NPAS3: variants seen among roughly 807,000 people sequenced by gnomAD.
NPAS3 encodes the protein neuronal PAS domain-containing protein 3.
In NPAS3, 14 loss-of-function variants were observed where a neutral mutation model predicts 73.1. That is an observed-to-expected ratio of 0.19 (90% CI 0.13 to 0.30). The LOEUF is 0.30. NPAS3 is among the 10% of genes least tolerant of loss of function. The pLI is 1.00. For missense variants in NPAS3, 1,096 were observed against 1,250.0 expected (o/e 0.88, Z 1.86); for synonymous variants, 620 against 541.5 (o/e 1.14, Z -2.01).
At chr14:33,179,170 G>C (rs1475459724) in intron 2 of NPAS3, among the ~76,000 whole-genome samples, 1 of 151,904 alleles carries the variant, frequency 6.6e-6, no homozygotes, top group African/African-American at 2.4e-5. Flanking sequence ...GTCTAATTAT[G>C]TTAATATGAT....
intron 8 of NPAS3, among the ~76,000 whole-genome samples, chr14:33,776,704 C>T (rs535316054): frequency 6.6e-6 from 1 of 152,094 alleles, no homozygotes; most frequent in Non-Finnish European, 1.5e-5. Flanking sequence ...AGGCACTATG[C>T]TGTGTTAATT....
rs1170942683 is a variant in NPAS3 at position 33,159,699 on chromosome 14, G to A, written c.141-55483G>A. On this transcript the variant is annotated intron_variant, in intron 2 of 11. Transcript: ENST00000356141. ...CTCCTGAGTAGCTGGGACTACAGGCGCCCACCACCATGCCCGGCTTATTTT... is the reference window on the plus strand; with the variant it reads ...CTCCTGAGTAGCTGGGACTACAGGCACCCACCACCATGCCCGGCTTATTTT... Among the ~76,000 whole-genome samples, 14 of 151,942 alleles carry A rather than the reference G, an allele frequency of 9.2e-5. No individual in the cohort carries two copies. In the South Asian group the frequency reaches 1.5e-3, roughly 16 times the overall value.
intron 1 of NPAS3, among the ~76,000 whole-genome samples, chr14:33,047,070 A>G (rs990414787): frequency 5.3e-5 from 8 of 152,196 alleles, no homozygotes; most frequent in Admixed American, 5.2e-4. Context: ...AACTAAGATG[A>G]GAGCTGACTA....
At chr14:33,213,831 T>C (rs1394069216) in intron 2 of NPAS3, 2 of 152,224 alleles carry the variant, frequency 1.3e-5, no homozygotes, top group African/African-American at 4.8e-5. Flanking sequence ...CAGAGCATTA[T>C]GGCATTACTT....
At chr14:33,532,291 TCA>T (rs2054080752) in intron 4 of NPAS3, among the ~76,000 whole-genome samples, 1 of 152,148 alleles carries the variant, frequency 6.6e-6, no homozygotes, top group South Asian at 2.1e-4. Flanking sequence ...AAGTCCAGTC[TCA>T]GTTTTTCCTT....
chr14:33,542,293 G>A (rs1270480631), intron 4 of NPAS3, among the ~76,000 whole-genome samples: 1 of 152,134 alleles, frequency 6.6e-6, no homozygotes, highest in Non-Finnish European at 1.5e-5. Flanking sequence ...CAAACCAGGA[G>A]GCAACACAGT....
At chr14:33,409,905 T>G (rs2138876703) in intron 4 of NPAS3, among the ~76,000 whole-genome samples, 1 of 152,272 alleles carries the variant, frequency 6.6e-6, no homozygotes, top group East Asian at 1.9e-4. Flanking sequence ...GAGACATTGC[T>G]AAAACATTGG....
intron 4 of NPAS3, among the ~76,000 whole-genome samples, chr14:33,454,087 C>T (rs2049920894): frequency 6.6e-6 from 1 of 152,152 alleles, no homozygotes; most frequent in Non-Finnish European, 1.5e-5. Flanking sequence ...TGATAGCTTC[C>T]TTTAGCCTAG....
exon 12 of NPAS3, chr14:33,801,022 G>C (rs977872544): frequency 1.4e-5 from 22 of 1,590,488 alleles, no homozygotes; most frequent in Non-Finnish European, 1.9e-5. Context: ...TGTTCACCAC[G>C]GCCGAGGGAC....
At chr14:33,319,229 AT>A (rs1486826028) in intron 3 of NPAS3, among the ~76,000 whole-genome samples, 5 of 152,100 alleles carry the variant, frequency 3.3e-5, no homozygotes, top group African/African-American at 1.2e-4. Context: ...TTACCTGGCC[AT>A]TTAAAGGCTA....
At chr14:33,695,726 A>AATTTG (rs1413279630) in intron 6 of NPAS3, among the ~76,000 whole-genome samples, 1 of 152,234 alleles carries the variant, frequency 6.6e-6, no homozygotes, top group East Asian at 1.9e-4. Context: ...GGGTAGCTAT[A>AATTTG]ATTTGTTTTC....
chr14:33,364,809 A>G (rs1324416209), intron 3 of NPAS3, among the ~76,000 whole-genome samples: 1 of 151,798 alleles, frequency 6.6e-6, no homozygotes, highest in African/African-American at 2.4e-5. Flanking sequence ...AACAGCGTCT[A>G]TGCTTTCAGA....
chr14:33,026,039 C>G (rs1433909290), intron 1 of NPAS3, among the ~76,000 whole-genome samples: 1 of 152,136 alleles, frequency 6.6e-6, no homozygotes, highest in Non-Finnish European at 1.5e-5. Context: ...TTCATTGAGG[C>G]CTTCACCGCC....
intron 3 of NPAS3, among the ~76,000 whole-genome samples, chr14:33,222,125 T>C (rs1290740915): frequency 6.6e-6 from 1 of 152,178 alleles, no homozygotes; most frequent in African/African-American, 2.4e-5. Flanking sequence ...TGTTCAGATT[T>C]TTCTTGGCCT....
intron 2 of NPAS3, among the ~76,000 whole-genome samples, chr14:33,090,088 A>T (rs1412469355): frequency 6.6e-6 from 1 of 152,254 alleles, no homozygotes; most frequent in Non-Finnish European, 1.5e-5. Context: ...AAACTGCATC[A>T]ACTAATGGAC....
intron 4 of NPAS3, among the ~76,000 whole-genome samples, chr14:33,474,461 A>G (rs965405021): frequency 1.2e-4 from 18 of 152,206 alleles, no homozygotes; most frequent in Admixed American, 2.6e-4. Flanking sequence ...AATGAAGAGA[A>G]TATACAGAAA....
chr14:33,089,269 G>T (rs946472353), intron 2 of NPAS3, among the ~76,000 whole-genome samples: 4 of 152,164 alleles, frequency 2.6e-5, no homozygotes, highest in African/African-American at 7.2e-5. Context: ...TAGATGAATG[G>T]CTAACTAGTA....
At chr14:33,226,828 C>A (rs955548686) in intron 3 of NPAS3, among the ~76,000 whole-genome samples, 1 of 152,114 alleles carries the variant, frequency 6.6e-6, no homozygotes, top group Non-Finnish European at 1.5e-5. Flanking sequence ...ATATTATTTA[C>A]GTATAATTTT....
intron 2 of NPAS3, among the ~76,000 whole-genome samples, chr14:33,097,795 G>A (rs1018075544): frequency 3.3e-5 from 5 of 152,112 alleles, no homozygotes; most frequent in African/African-American, 1.2e-4. Context: ...GAGCCACTTA[G>A]TGTTAGTTTT....
Sources: gnomAD v4.1 joint callset for allele counts (sites outside exome capture counted in the v4.1 genomes callset) on GRCh38, gnomAD v4.1.1 for gene constraint, MANE v1.5 for transcripts, NCBI Gene and HGNC (gene_info 2026-07-23, HGNC 2026-07-21) for gene names.